Variants in SLCO1A2 observed in about 807,000 individuals in gnomAD.
The protein encoded by SLCO1A2 is solute carrier organic anion transporter family member 1A2, also known as OATP-1.
In SLCO1A2, 67 loss-of-function variants were observed where a neutral mutation model predicts 69.0. The ratio of observed to expected loss-of-function variants is 0.97; its 90% CI spans 0.80 to 1.19. The LOEUF (loss-of-function observed/expected upper bound fraction) is 1.19. SLCO1A2 is among the 50% of genes most tolerant of loss of function. The probability of loss-of-function intolerance (pLI) is 0.00; values close to 1 mark genes in which losing one functional copy is unlikely to be tolerated. For missense variants in SLCO1A2, 787 were observed against 793.7 expected, an observed-to-expected ratio of 0.99 and a Z score of 0.10; for synonymous variants, 260 against 265.9, an observed-to-expected ratio of 0.98 and a Z score of 0.22.
At chr12:21,284,357 G>A (rs1428557935) in intron 12 of SLCO1A2, among the ~76,000 whole-genome samples, 1 of 152,160 alleles carries the variant, frequency 6.6e-6, no homozygotes, top group Non-Finnish European at 1.5e-5. Context: ...GAGGTACCGG[G>A]TTTATCTCAC....
upstream of SLCO1A2, chr12:21,334,980 T>C (rs1952832856): frequency 5.2e-6 from 1 of 192,276 alleles, no homozygotes; most frequent in Admixed American, 6.1e-5. Context: ...AAAATAATGG[T>C]CACATGGTTA....
intron 1 of SLCO1A2, among the ~76,000 whole-genome samples, chr12:21,377,491 GGCA>G (rs1422988226): frequency 2.6e-5 from 4 of 151,910 alleles, no homozygotes; most frequent in Non-Finnish European, 4.4e-5. Context: ...CAAAATGTTG[GGCA>G]GCAGATCTCT....
At chr12:21,335,973 C>T (rs938833152), upstream of SLCO1A2, among the ~76,000 whole-genome samples, 2 of 152,064 alleles carry the variant, frequency 1.3e-5, no homozygotes, top group African/African-American at 2.4e-5. Flanking sequence ...CTTAAACTTT[C>T]ATTGGGAAAG....
chr12:21,308,887 C>T (rs1949758046), intron 4 of SLCO1A2, among the ~76,000 whole-genome samples: 1 of 146,516 alleles, frequency 6.8e-6, no homozygotes, highest in Non-Finnish European at 1.5e-5. Context: ...GAATAGATAA[C>T]AAACAACCAC....
At chr12:21,370,109 C>T (rs954528237) in intron 2 of SLCO1A2, among the ~76,000 whole-genome samples, 1 of 152,084 alleles carries the variant, frequency 6.6e-6, no homozygotes, top group Admixed American at 6.5e-5. Context: ...AAACAAATAT[C>T]CTGGATCAGA....
intron 2 of SLCO1A2, among the ~76,000 whole-genome samples, chr12:21,367,689 T>G (rs1939493853): frequency 6.6e-6 from 1 of 151,648 alleles, no homozygotes; most frequent in South Asian, 2.1e-4. Context: ...AGCATTTAGG[T>G]TGTTATAAAA....
At chr12:21,337,327 A>C (rs1952926177), upstream of SLCO1A2, among the ~76,000 whole-genome samples, 1 of 152,086 alleles carries the variant, frequency 6.6e-6, no homozygotes, top group Non-Finnish European at 1.5e-5. Context: ...TTATGAAACA[A>C]ATATAAAACA....
chr12:21,280,485 A>G (rs983686898), intron 12 of SLCO1A2, among the ~76,000 whole-genome samples: 2 of 152,138 alleles, frequency 1.3e-5, no homozygotes, highest in Admixed American at 1.3e-4. Context: ...GAGACGAAGA[A>G]GATCATTATA....
In SLCO1A2 at chr12:21,327,487, T is replaced by C. The variant is rs115797949; in HGVS notation, c.60+7101A>G. Among the ~76,000 whole-genome samples the C allele has an allele frequency of 6.0e-3, 912 of 152,148 alleles. 6 individuals carry two copies. The highest frequency in any genetic ancestry group is 0.021 in the African/African-American group (875 of 41,526). On this transcript the variant is annotated intron_variant, in intron 2 of 14. Transcript: ENST00000683939. ...CCACAGAACACTCAACACCATCCCATGAAAGCAGCCAGGAGAGGGGCACTG... is the reference window on the plus strand; with the variant it reads ...CCACAGAACACTCAACACCATCCCACGAAAGCAGCCAGGAGAGGGGCACTG...
In SLCO1A2 at chr12:21,334,744, T is replaced by C. The variant is rs371689823; in HGVS notation, c.-62-35A>G. On this transcript the variant is annotated intron_variant, in intron 1 of 14. Transcript: ENST00000683939. ...AAACAAAAAAATATGTTAAATTAAC[T>C]ACAAAATTGTAAAGCATCATTCTTT... The C allele has an allele frequency of 1.9e-5, 18 of 923,346 alleles. 1 individual carries two copies. The African/African-American group carries it at 2.7e-4, about 14-fold the overall frequency. The allele number at this position is 923,346 out of a possible 1,614,324, so 57.2% of individuals were successfully genotyped here. A position where few individuals can be genotyped will look rare whatever the true frequency, so the allele number is the denominator to read the frequency against.
intron 2 of SLCO1A2, among the ~76,000 whole-genome samples, chr12:21,358,867 T>C (rs1392412882): frequency 6.6e-6 from 1 of 152,316 alleles, no homozygotes; most frequent in East Asian, 1.9e-4. Context: ...TAATCTATAC[T>C]TCATTTAACC....
intron 2 of SLCO1A2, among the ~76,000 whole-genome samples, chr12:21,364,843 T>A (rs1939239527): frequency 6.6e-6 from 1 of 152,122 alleles, no homozygotes; most frequent in Admixed American, 6.5e-5. Context: ...TTACAAGGGA[T>A]GTGAAGTACC....
At chr12:21,304,689 G>T in intron 5 of SLCO1A2, 116 bp from the exon 6 acceptor site, 2 of 962,192 alleles carry the variant, frequency 2.1e-6, no homozygotes, top group Admixed American at 2.5e-5. Context: ...CCTTGTCAAT[G>T]ATTTATATTA....
upstream of SLCO1A2, among the ~76,000 whole-genome samples, chr12:21,399,606 C>T (rs1209656645): frequency 1.7e-5 from 1 of 59,994 alleles, no homozygotes; most frequent in Non-Finnish European, 3.5e-5. Context: ...GGAGGCATCA[C>T]ACTACCTGAC....
At chr12:21,275,091 T>G (rs1331557144) in intron 13 of SLCO1A2, 3 of 1,049,688 alleles carry the variant, frequency 2.9e-6, no homozygotes, top group Non-Finnish European at 2.3e-6. Context: ...TTATCTAGTA[T>G]TTAATATTGT....
intron 6 of SLCO1A2, among the ~76,000 whole-genome samples, chr12:21,303,958 G>T (rs1320103191): frequency 6.6e-6 from 1 of 152,112 alleles, no homozygotes; most frequent in African/African-American, 2.4e-5. Context: ...TTAAAACAAT[G>T]CTTGAGAAAA....
intron 3 of SLCO1A2, among the ~76,000 whole-genome samples, chr12:21,315,187 T>C (rs139090358): frequency 6.0e-4 from 91 of 152,362 alleles, no homozygotes; most frequent in Middle Eastern, 3.4e-3. Context: ...TTGGTCAACA[T>C]GACCAAGACA....
At chr12:21,387,287 T>C (rs1457138079) in intron 1 of SLCO1A2, among the ~76,000 whole-genome samples, 1 of 152,172 alleles carries the variant, frequency 6.6e-6, no homozygotes, top group East Asian at 1.9e-4. Flanking sequence ...AGCCAAATGC[T>C]AATCACCAAG....
chr12:21,296,214 G>A (rs1004254007), intron 9 of SLCO1A2, among the ~76,000 whole-genome samples: 13 of 152,074 alleles, frequency 8.5e-5, no homozygotes, highest in Admixed American at 2.6e-4. Context: ...CTTTGGTTGT[G>A]AAGAATTAGA....
Sources: gnomAD v4.1 joint callset for allele counts (sites outside exome capture counted in the v4.1 genomes callset) on GRCh38, gnomAD v4.1.1 for gene constraint, MANE v1.5 for transcripts, NCBI Gene and HGNC (gene_info 2026-07-23, HGNC 2026-07-21) for gene names.